SCIN: variants seen among roughly 807,000 people sequenced by gnomAD.
SCIN encodes the protein scinderin.
Under a neutral mutation model 91.8 loss-of-function variants are expected in SCIN, and 91 were observed. The ratio of observed to expected loss-of-function variants is 0.99; its 90% CI spans 0.84 to 1.18. SCIN has a LOEUF of 1.18. SCIN is among the 50% of genes most tolerant of loss of function. The probability of loss-of-function intolerance (pLI) is 0.00; values close to 1 mark genes in which losing one functional copy is unlikely to be tolerated. For missense variants in SCIN, 1,087 were observed against 863.9 expected (o/e 1.26, Z -3.24); for synonymous variants, 367 against 312.6 (o/e 1.17, Z -1.84).
At chr7:12,577,929 A>C in intron 1 of SCIN, 135 bp from the exon 2 acceptor site, 2 of 735,536 alleles carry the variant, frequency 2.7e-6, no homozygotes, top group Non-Finnish European at 4.2e-6. Context: ...TATTTTAGCT[A>C]AAAGATCTTT....
chr7:12,585,628 CCACT>C (rs1782571834), intron 3 of SCIN, among the ~76,000 whole-genome samples: 1 of 152,178 alleles, frequency 6.6e-6, no homozygotes, highest in African/African-American at 2.4e-5. Flanking sequence ...AATGGAGCCA[CCACT>C]CACTCAGGAT....
chr7:12,599,900 A>G (rs760211874), intron 3 of SCIN, among the ~76,000 whole-genome samples: 13 of 151,982 alleles, frequency 8.6e-5, no homozygotes, highest in Admixed American at 2.0e-4. Context: ...TTCTTTGTAG[A>G]TTCTTGATAT....
intron 7 of SCIN, chr7:12,626,263 T>C: frequency 2.9e-6 from 1 of 345,148 alleles, no homozygotes; most frequent in Admixed American, 4.5e-5. Context: ...CCTCATCTAC[T>C]CTCCTCATTT....
chr7:12,597,336 A>G (rs575924431), intron 3 of SCIN, among the ~76,000 whole-genome samples: 20 of 152,346 alleles, frequency 1.3e-4, no homozygotes, highest in African/African-American at 4.6e-4. Context: ...GACAAAGCCA[A>G]TAGATGCCAG....
chr7:12,607,118 T>A (rs1783094316), intron 4 of SCIN, among the ~76,000 whole-genome samples: 1 of 152,202 alleles, frequency 6.6e-6, no homozygotes, highest in Non-Finnish European at 1.5e-5. Flanking sequence ...ACATTAACTA[T>A]CGGACATCAC....
intron 4 of SCIN, among the ~76,000 whole-genome samples, chr7:12,605,765 A>G (rs182441654): frequency 3.3e-5 from 5 of 152,298 alleles, no homozygotes; most frequent in South Asian, 4.2e-4. Flanking sequence ...ATTAAATACA[A>G]TCTTATACCA....
chr7:12,595,093 G>A (rs1464726338), intron 3 of SCIN, among the ~76,000 whole-genome samples: 1 of 151,988 alleles, frequency 6.6e-6, no homozygotes, highest in Non-Finnish European at 1.5e-5. Flanking sequence ...CCCCTTCCTG[G>A]GTTTTGGCAC....
chr7:12,636,664 A>G (rs922603149), intron 10 of SCIN, among the ~76,000 whole-genome samples: 4 of 152,180 alleles, frequency 2.6e-5, no homozygotes, highest in Non-Finnish European at 5.9e-5. Context: ...TTGTAAGTAA[A>G]ACAGAAGCCA....
intron 4 of SCIN, chr7:12,610,980 C>T (rs1203987336): frequency 2.6e-5 from 4 of 152,250 alleles, no homozygotes; most frequent in Non-Finnish European, 5.9e-5. Context: ...GTCATCACCC[C>T]TTTTAGAATC....
chr7:12,649,420 A>G, intron 13 of SCIN, 47 bp from the exon 14 acceptor site: 1 of 1,316,076 alleles, frequency 7.6e-7, no homozygotes. Flanking sequence ...TGTATTAGAA[A>G]AATTACTGCT....
intron 3 of SCIN, chr7:12,589,556 T>G (rs1424058013): frequency 6.6e-6 from 1 of 152,282 alleles, no homozygotes; most frequent in Non-Finnish European, 1.5e-5. Context: ...CAGCAGCATC[T>G]TGTACTAGTC....
At chr7:12,587,294 C>T (rs73293021) in intron 3 of SCIN, among the ~76,000 whole-genome samples, 2,683 of 152,236 alleles carry the variant, frequency 0.018, 63 homozygotes, top group African/African-American at 0.061. Context: ...CCTACCCATC[C>T]TCTTTTCCAT....
intron 9 of SCIN, among the ~76,000 whole-genome samples, chr7:12,634,312 C>A (rs185386017): frequency 0.011 from 1,673 of 151,958 alleles, 11 homozygotes; most frequent in South Asian, 0.026. Flanking sequence ...ATGGAGAAAT[C>A]CCGTCTCTAC....
intron 10 of SCIN, among the ~76,000 whole-genome samples, chr7:12,639,608 G>A (rs1199891116): frequency 6.6e-6 from 1 of 151,620 alleles, no homozygotes; most frequent in African/African-American, 2.4e-5. Flanking sequence ...CCAATATTTG[G>A]GGCTAATAAA....
rs1041227726 is a variant in SCIN, at chr7:12,656,040, C to T, written c.*3325C>T. ...GAGCCATTTAGATCCTCTGTATCTT[C>T]TCAAGCACAATCCTCAGTGTTCTCT... On this transcript the variant is annotated 3_prime_UTR_variant, in exon 16 of 16. Coordinates refer to ENST00000297029, the MANE Select transcript of SCIN (RefSeq NM_001112706.3). 6.6e-6 allele frequency: 1 copy of T among 152,192 alleles called. No individual in the cohort carries two copies. Among genetic ancestry groups the T allele is most frequent in the African/African-American group, 2.4e-5 (1 of 41,436 alleles). 9.4% of individuals were successfully genotyped at this position (152,192 alleles called of 1,614,324 possible).
chr7:12,632,255 C>T (rs12669094), intron 9 of SCIN, among the ~76,000 whole-genome samples: 23,102 of 151,632 alleles, frequency 0.15, 2,421 homozygotes, highest in Admixed American at 0.34. Context: ...CTCAGCCTCC[C>T]GAGTACCTGG....
At chr7:12,615,613 T>C (rs908247051) in intron 4 of SCIN, among the ~76,000 whole-genome samples, 2 of 152,168 alleles carry the variant, frequency 1.3e-5, no homozygotes, top group African/African-American at 4.8e-5. Flanking sequence ...TTCAACTGGC[T>C]TACCCCTTTG....
intron 9 of SCIN, among the ~76,000 whole-genome samples, chr7:12,635,563 G>A (rs796188039): frequency 8.6e-5 from 10 of 116,286 alleles, no homozygotes; most frequent in African/African-American, 3.4e-4. Context: ...AGTGAGCCAA[G>A]ACCACACCAT....
chr7:12,595,316 T>G (rs1320822888), intron 3 of SCIN, among the ~76,000 whole-genome samples: 2 of 152,164 alleles, frequency 1.3e-5, no homozygotes, highest in African/African-American at 4.8e-5. Context: ...TATAGGAATT[T>G]ACAAGAGGGC....
Sources: allele counts gnomAD v4.1 joint callset (sites outside exome capture counted in the v4.1 genomes callset), GRCh38; gene constraint gnomAD v4.1.1; transcripts MANE v1.5; gene names NCBI Gene and HGNC (gene_info 2026-07-23, HGNC 2026-07-21).